The following SDK1 variants were observed in gnomAD, a reference collection of about 807,000 sequenced individuals.
The protein encoded by SDK1 is protein sidekick-1.
In SDK1, 157 loss-of-function variants were observed where a neutral mutation model predicts 245.5. That is an observed-to-expected ratio of 0.64 (90% CI 0.56 to 0.73). SDK1 has a LOEUF of 0.73. SDK1 is among the 30% of genes least tolerant of loss of function. SDK1 has a pLI of 0.00. For synonymous variants in SDK1, 1,647 were observed against 1,278.5 expected (o/e 1.29, Z -6.15); for missense variants, 3,583 against 3,002.3 (o/e 1.19, Z -4.52).
intron 1 of SDK1, among the ~76,000 whole-genome samples, chr7:3,504,866 TA>T (rs1782340908): frequency 6.6e-6 from 1 of 152,084 alleles, no homozygotes; most frequent in African/African-American, 2.4e-5. Context: ...CTGAAAATGT[TA>T]AAATACAATT....
At chr7:4,160,150 G>A (rs1455812742) in intron 31 of SDK1, among the ~76,000 whole-genome samples, 1 of 152,202 alleles carries the variant, frequency 6.6e-6, no homozygotes, top group Non-Finnish European at 1.5e-5. Context: ...GAAAGGCTTT[G>A]CAGGAACTAA....
At chr7:3,629,697 C>G (rs1292446027) in intron 2 of SDK1, among the ~76,000 whole-genome samples, 2 of 152,164 alleles carry the variant, frequency 1.3e-5, no homozygotes, top group Non-Finnish European at 2.9e-5. Context: ...TATCAGAGAA[C>G]AAAGTTAATG....
At chr7:3,779,938 CAAAAAA>C (rs34979965) in intron 4 of SDK1, among the ~76,000 whole-genome samples, 580 of 46,614 alleles carry the variant, frequency 0.012, 7 homozygotes, top group African/African-American at 0.039. Flanking sequence ...GACTCCGTCT[CAAAAAA>C]AAAAAAAAAA....
intron 5 of SDK1, among the ~76,000 whole-genome samples, chr7:3,893,560 T>A (rs1781515575): frequency 6.6e-6 from 1 of 151,988 alleles, no homozygotes; most frequent in African/African-American, 2.4e-5. Context: ...AACCTCACAT[T>A]TCTCCAGCAT....
At chr7:3,786,078 TAGAG>T (rs768732703) in intron 4 of SDK1, among the ~76,000 whole-genome samples, 37 of 152,270 alleles carry the variant, frequency 2.4e-4, no homozygotes, top group South Asian at 1.2e-3. Flanking sequence ...TGCAGTGAAA[TAGAG>T]AGAGCGAAAG....
chr7:3,437,541 G>A (rs967990825), intron 1 of SDK1, among the ~76,000 whole-genome samples: 3 of 152,132 alleles, frequency 2.0e-5, no homozygotes, highest in Non-Finnish European at 4.4e-5. Flanking sequence ...GGAAGCTGAG[G>A]TGGGAAGATT....
At chr7:3,350,243 TTAACAA>T (rs1780622841) in intron 1 of SDK1, among the ~76,000 whole-genome samples, 1 of 152,176 alleles carries the variant, frequency 6.6e-6, no homozygotes, top group Non-Finnish European at 1.5e-5. Context: ...AAGTTGTCAC[TTAACAA>T]TGAGTGTGGA....
chr7:4,057,974 A>G (rs1025167821), intron 19 of SDK1, among the ~76,000 whole-genome samples: 4 of 152,240 alleles, frequency 2.6e-5, no homozygotes, highest in Non-Finnish European at 5.9e-5. Flanking sequence ...GCAGATATCA[A>G]CATAAGGACA....
Position 4,004,999 on chromosome 7 carries a change from T to C in SDK1, c.2132-5967T>C, listed in dbSNP as rs139503322. Among the ~76,000 whole-genome samples the C allele has an allele frequency of 6.8e-3, 1,031 of 151,230 alleles. 4 individuals are homozygous for C. The highest frequency in any genetic ancestry group is 0.011 in the Non-Finnish European group (755 of 67,848). On this transcript the variant is annotated intron_variant, in intron 14 of 44. Coordinates refer to ENST00000404826, the MANE Select transcript of SDK1 (RefSeq NM_152744.4). ...CTATAGAAGGCCCCAAGTCCTAGAT[T>C]AGGATTCTGGTAATTCTGGTGTTTA...
intron 5 of SDK1, among the ~76,000 whole-genome samples, chr7:3,871,556 G>A (rs1780957070): frequency 6.6e-6 from 1 of 152,204 alleles, no homozygotes; most frequent in Non-Finnish European, 1.5e-5. Flanking sequence ...GAAGCACGGT[G>A]CCAGCCTCTG....
chr7:3,732,324 T>A (rs1413146516), intron 4 of SDK1, among the ~76,000 whole-genome samples: 3 of 152,164 alleles, frequency 2.0e-5, no homozygotes, highest in African/African-American at 7.2e-5. Context: ...GAAGAATATA[T>A]CTTTGTCAAA....
chr7:4,115,201 G>C (rs947429969), intron 25 of SDK1, among the ~76,000 whole-genome samples: 1 of 152,216 alleles, frequency 6.6e-6, no homozygotes. Flanking sequence ...GTGAGGTTCT[G>C]TCTGGAGAAG....
intron 1 of SDK1, among the ~76,000 whole-genome samples, chr7:3,320,164 T>C (rs1006700462): frequency 6.6e-6 from 1 of 151,972 alleles, no homozygotes; most frequent in African/African-American, 2.4e-5. Context: ...CCTCTCATTC[T>C]CTCCTGCCCG....
chr7:3,610,482 A>T (rs1781553461), intron 1 of SDK1, among the ~76,000 whole-genome samples: 1 of 152,224 alleles, frequency 6.6e-6, no homozygotes, highest in South Asian at 2.1e-4. Flanking sequence ...TCTACTTTGA[A>T]GTAAAATATT....
chr7:4,201,110 C>G (rs544127353), intron 35 of SDK1, among the ~76,000 whole-genome samples: 1 of 152,346 alleles, frequency 6.6e-6, no homozygotes, highest in Admixed American at 6.5e-5. Context: ...ACACGGGGCT[C>G]TGCATTTCCT....
intron 33 of SDK1, 105 bp downstream of exon 33, chr7:4,174,462 G>A: frequency 7.8e-7 from 1 of 1,286,390 alleles, no homozygotes; most frequent in Non-Finnish European, 1.1e-6. Flanking sequence ...AAGAGGCTGA[G>A]AGAAGAGGCA....
intron 1 of SDK1, among the ~76,000 whole-genome samples, chr7:3,366,516 T>C (rs1049149830): frequency 1.3e-5 from 2 of 152,190 alleles, no homozygotes; most frequent in African/African-American, 4.8e-5. Context: ...TATTTTGTAC[T>C]TTCATCAACA....
chr7:3,949,593 A>G (rs957968213), intron 5 of SDK1, among the ~76,000 whole-genome samples: 6 of 152,156 alleles, frequency 3.9e-5, no homozygotes, highest in Non-Finnish European at 8.8e-5. Context: ...TTTTATTTCC[A>G]GCCTCTTACA....
chr7:3,398,701 C>T (rs566070278), intron 1 of SDK1, among the ~76,000 whole-genome samples: 3 of 150,258 alleles, frequency 2.0e-5, no homozygotes, highest in Non-Finnish European at 4.4e-5. Context: ...ACCAGGAGAA[C>T]ATAGTGGGAC....
Sources: allele counts gnomAD v4.1 joint callset (sites outside exome capture counted in the v4.1 genomes callset), GRCh38; gene constraint gnomAD v4.1.1; transcripts MANE v1.5; gene names NCBI Gene and HGNC (gene_info 2026-07-23, HGNC 2026-07-21).